RBFOX1: variants seen among roughly 807,000 people sequenced by gnomAD.
RBFOX1 encodes RNA binding protein fox-1 homolog 1.
RBFOX1 carries 8 observed loss-of-function variants against 57.7 expected under a neutral mutation model. The observed-to-expected ratio is 0.14, with a 90% confidence interval of 0.08 to 0.25. The LOEUF (loss-of-function observed/expected upper bound fraction) is 0.25. RBFOX1 is among the 10% of genes least tolerant of loss of function. The pLI, the probability that RBFOX1 is intolerant of heterozygous loss-of-function variation, is 1.00. For missense variants in RBFOX1, 611 were observed against 548.5 expected, an observed-to-expected ratio of 1.11 and a Z score of -1.14; for synonymous variants, 326 against 222.4, an observed-to-expected ratio of 1.47 and a Z score of -4.15.
intron 3 of RBFOX1, among the ~76,000 whole-genome samples, chr16:5,768,289 A>T (rs2053856733): frequency 6.6e-6 from 1 of 152,206 alleles, no homozygotes; most frequent in South Asian, 2.1e-4. Context: ...AAGCGCTGAA[A>T]TGTGCATCAA....
At chr16:5,708,568 C>T (rs943599381) in intron 3 of RBFOX1, among the ~76,000 whole-genome samples, 4 of 152,190 alleles carry the variant, frequency 2.6e-5, no homozygotes, top group African/African-American at 9.7e-5. Context: ...CTGCTTTAAG[C>T]AGCTGACCCC....
chr16:6,817,631 A>C (rs926213984), intron 3 of RBFOX1, among the ~76,000 whole-genome samples: 2 of 151,882 alleles, frequency 1.3e-5, no homozygotes, highest in East Asian at 3.9e-4. Context: ...ACTTGAACCC[A>C]GGAGGAGGTT....
At chr16:7,684,990 G>T (rs942196678) in intron 14 of RBFOX1, among the ~76,000 whole-genome samples, 1 of 152,022 alleles carries the variant, frequency 6.6e-6, no homozygotes, top group South Asian at 2.1e-4. Context: ...GATTTGAGTG[G>T]ATCATCTAAA....
chr16:6,018,489 C>A (rs1347203553), upstream of RBFOX1, among the ~76,000 whole-genome samples: 1 of 152,170 alleles, frequency 6.6e-6, no homozygotes, highest in Admixed American at 6.5e-5. Context: ...AATCCCTAGA[C>A]CCCTTCAGCG....
chr16:6,028,542 G>A (rs910761679), intron 1 of RBFOX1, among the ~76,000 whole-genome samples: 1 of 148,140 alleles, frequency 6.8e-6, no homozygotes, highest in Non-Finnish European at 1.5e-5. Flanking sequence ...AAATTAGCTG[G>A]GTGTGGTAGC....
At chr16:6,114,005 A>G (rs192679896) in intron 1 of RBFOX1, among the ~76,000 whole-genome samples, 3 of 151,848 alleles carry the variant, frequency 2.0e-5, no homozygotes, top group Non-Finnish European at 4.4e-5. Context: ...AGGACTAAGC[A>G]TGACTATTCA....
intron 4 of RBFOX1, among the ~76,000 whole-genome samples, chr16:7,299,619 A>G (rs2095982682): frequency 6.6e-6 from 1 of 152,214 alleles, no homozygotes; most frequent in African/African-American, 2.4e-5. Flanking sequence ...CCTCTGACTC[A>G]GTGTGGAGTG....
intron 4 of RBFOX1, among the ~76,000 whole-genome samples, chr16:7,172,314 C>T (rs1231826030): frequency 2.0e-5 from 3 of 152,148 alleles, no homozygotes; most frequent in Admixed American, 1.3e-4. Flanking sequence ...AGCAGTTTAT[C>T]TCTTTTTACT....
intron 3 of RBFOX1, among the ~76,000 whole-genome samples, chr16:7,025,137 C>G (rs889828682): frequency 6.6e-6 from 1 of 152,178 alleles, no homozygotes; most frequent in African/African-American, 2.4e-5. Context: ...ACTCCATAGA[C>G]AGAACAGCCC....
At chr16:5,834,578 A>ATAGG (rs1184212895) in intron 3 of RBFOX1, among the ~76,000 whole-genome samples, 1 of 42,686 alleles carries the variant, frequency 2.3e-5, no homozygotes, top group Non-Finnish European at 4.2e-5. Flanking sequence ...TGCATGTGTC[A>ATAGG]TAGATAGATA....
At chr16:7,452,106 A>G (rs1391865225) in intron 4 of RBFOX1, among the ~76,000 whole-genome samples, 1 of 152,230 alleles carries the variant, frequency 6.6e-6, no homozygotes, top group Non-Finnish European at 1.5e-5. Flanking sequence ...TTAGAGTAAA[A>G]TGTCAAAGTA....
At chr16:7,061,083 G>C (rs903337110) in intron 4 of RBFOX1, among the ~76,000 whole-genome samples, 5 of 151,868 alleles carry the variant, frequency 3.3e-5, no homozygotes, top group African/African-American at 1.2e-4. Context: ...GCAGAAGTTT[G>C]CTTGCTTTAA....
At chr16:7,709,570 G>A (rs2083580377) in intron 15 of RBFOX1, 5 of 1,530,370 alleles carry the variant, frequency 3.3e-6, no homozygotes, top group Admixed American at 2.0e-5. Context: ...TCAGGCAGCT[G>A]AGAATCTGAC....
At chr16:5,779,565 T>C (rs7186294) in intron 3 of RBFOX1, among the ~76,000 whole-genome samples, 47,311 of 152,114 alleles carry the variant, frequency 0.31, 7,781 homozygotes, top group East Asian at 0.55. Flanking sequence ...CCCTATACCT[T>C]TGTGGGTGCT....
chr16:6,420,767 G>A (rs891359000), intron 2 of RBFOX1, among the ~76,000 whole-genome samples: 1 of 152,210 alleles, frequency 6.6e-6, no homozygotes, highest in Non-Finnish European at 1.5e-5. Flanking sequence ...CCAGAGAAAC[G>A]ATTCTGAGAG....
At position 7,710,901 on chromosome 16, in the gene RBFOX1, C is replaced by G; in HGVS notation, c.*156C>G. ...AAAAATTACATTTTTTATCTTATAC[C>G]TCAGATATTTTGTTCTGTGTATTTT... On this transcript the variant is annotated 3_prime_UTR_variant, in exon 16 of 16. Coordinates refer to ENST00000550418, the MANE Select transcript of RBFOX1 (RefSeq NM_018723.4). 1.2e-6 allele frequency: 1 copy of G among 808,042 alleles called. No individual in the cohort carries two copies. Among genetic ancestry groups the G allele is most frequent in the Non-Finnish European group, 1.7e-6 (1 of 585,142 alleles). The allele number at this position is 808,042 out of a possible 1,614,324, so 50.1% of individuals were successfully genotyped here.
At chr16:7,262,971 C>G (rs924488063) in intron 4 of RBFOX1, among the ~76,000 whole-genome samples, 3 of 152,166 alleles carry the variant, frequency 2.0e-5, no homozygotes, top group Admixed American at 6.5e-5. Flanking sequence ...CCTCCACTTA[C>G]TCTAGGAAGT....
chr16:7,179,656 A>G (rs1478910993), intron 4 of RBFOX1, among the ~76,000 whole-genome samples: 2 of 152,280 alleles, frequency 1.3e-5, no homozygotes, highest in South Asian at 2.1e-4. Context: ...CAACAGCAAC[A>G]CAATGAATTT....
At chr16:7,108,938 A>T (rs2064122106) in intron 4 of RBFOX1, among the ~76,000 whole-genome samples, 1 of 152,186 alleles carries the variant, frequency 6.6e-6, no homozygotes, top group African/African-American at 2.4e-5. Flanking sequence ...AAACTCAGAC[A>T]TATGGTCAAG....
Sources: allele counts gnomAD v4.1 joint callset (sites outside exome capture counted in the v4.1 genomes callset), GRCh38; gene constraint gnomAD v4.1.1; transcripts MANE v1.5; gene names NCBI Gene and HGNC (gene_info 2026-07-23, HGNC 2026-07-21).